The following SLC39A11 variants were observed in gnomAD, a reference collection of about 807,000 sequenced individuals.
The protein encoded by SLC39A11 is zinc transporter ZIP11.
A neutral mutation model predicts 36.1 loss-of-function variants in SLC39A11; 33 were observed. The observed-to-expected ratio is 0.91, with a 90% CI of 0.69 to 1.22. The LOEUF is 1.22. Ranked by LOEUF, SLC39A11 falls within the 50% of genes most tolerant of loss-of-function variation. SLC39A11 has a pLI of 0.00. For missense variants in SLC39A11, 432 were observed against 430.3 expected (o/e 1.00, Z -0.03); for synonymous variants, 166 against 170.3 (o/e 0.97, Z 0.20).
At chr17:72,977,740 C>T (rs906945111) in intron 4 of SLC39A11, among the ~76,000 whole-genome samples, 2 of 152,180 alleles carry the variant, frequency 1.3e-5, no homozygotes, top group Non-Finnish European at 2.9e-5. Context: ...CCCCACACAG[C>T]AACAATGAGT....
intron 7 of SLC39A11, among the ~76,000 whole-genome samples, chr17:72,729,428 TATATATATATATATATATATATA>T (rs2074088666): frequency 3.8e-4 from 2 of 5,282 alleles, no homozygotes; most frequent in East Asian, 4.0e-3. Context: ...TATATATATA[TATATATATATATATATATATATA>T]TATATATTTT....
intron 5 of SLC39A11, among the ~76,000 whole-genome samples, chr17:72,890,964 T>G (rs2081708417): frequency 6.6e-6 from 1 of 152,060 alleles, no homozygotes; most frequent in African/African-American, 2.4e-5. Context: ...GATTTTCCAC[T>G]GGATTTGATG....
At chr17:72,987,988 T>TC (rs1388513857) in intron 4 of SLC39A11, among the ~76,000 whole-genome samples, 3 of 152,200 alleles carry the variant, frequency 2.0e-5, no homozygotes, top group Non-Finnish European at 4.4e-5. Flanking sequence ...AAGTCAGCTC[T>TC]CTTTTTTATT....
chr17:73,004,140 G>GAAGAAAGAAAGA (rs1229461006), intron 4 of SLC39A11, among the ~76,000 whole-genome samples: 1,285 of 105,156 alleles, frequency 0.012, 48 homozygotes, highest in East Asian at 0.026. Flanking sequence ...GGAAAGAAAG[G>GAAGAAAGAAAGA]AAGAAAGAAA....
rs151142811 is a variant in SLC39A11, at chr17:73,047,990, AATATATATATATATAT to A, written c.148-16292_148-16277del. On this transcript the variant is annotated intron_variant, in intron 3 of 9. Transcript: ENST00000255559. The stretch of plus-strand genomic sequence containing the variant: ...TCAAAAAAAAAAAAAAAAAAAAAAA[AATATATATATATATAT>A]ATATATATATATATATATATCATGT... 2.2e-4 allele frequency among the ~76,000 whole-genome samples: 13 copies of A among 58,700 alleles called. 1 individual carries two copies. The highest frequency in any genetic ancestry group is 6.6e-4 in the African/African-American group (10 of 15,238). The allele number at this position is 58,700 out of a possible 152,430, so 38.5% of individuals were successfully genotyped here.
At position 72,909,860 on chromosome 17, in the gene SLC39A11, T is replaced by C. The variant is rs185215470; in HGVS notation, c.430+37892A>G. On this transcript the variant is annotated intron_variant, in intron 5 of 9. Transcript: ENST00000255559. ...TCCCGCGTTCACGCCATTCTCCTGC[T>C]TCAGCCTCCCGAGTAGCTGGGACTC... 4.4e-3 allele frequency among the ~76,000 whole-genome samples: 672 copies of C among 151,858 alleles called. 26 individuals carry two copies. The East Asian group carries it at 0.079, about 18-fold the overall frequency.
chr17:72,683,333 ATTT>A (rs112326860), intron 7 of SLC39A11, among the ~76,000 whole-genome samples: 8 of 134,584 alleles, frequency 5.9e-5, no homozygotes, highest in African/African-American at 1.4e-4. Context: ...CTTGAGACTA[ATTT>A]TTTTTTTTTT....
chr17:72,981,594 C>CAAAAAAAAAAAAAAAAAAAAAAAAAA (rs11444135), intron 4 of SLC39A11, among the ~76,000 whole-genome samples: 1 of 131,264 alleles, frequency 7.6e-6, no homozygotes. Context: ...TATTTAAATG[C>CAAAAAAAAAAAAAAAAAAAAAAAAAA]AAAAAAAAAA....
chr17:72,845,762 A>G (rs1283735094), intron 6 of SLC39A11, among the ~76,000 whole-genome samples: 1 of 152,180 alleles, frequency 6.6e-6, no homozygotes, highest in Non-Finnish European at 1.5e-5. Flanking sequence ...CAAGACTGGG[A>G]AAGAAATGTC....
At chr17:72,770,966 A>G (rs944595069) in intron 6 of SLC39A11, among the ~76,000 whole-genome samples, 5 of 152,102 alleles carry the variant, frequency 3.3e-5, no homozygotes, top group African/African-American at 1.2e-4. Context: ...TTATTCTAGG[A>G]CACACTTTGG....
At chr17:72,887,419 C>T (rs7223107) in intron 5 of SLC39A11, among the ~76,000 whole-genome samples, 75,251 of 152,082 alleles carry the variant, frequency 0.49, 19,848 homozygotes, top group East Asian at 0.72. Flanking sequence ...GCACTTCTCC[C>T]GAGGGCTCTG....
chr17:73,076,339 C>A (rs1452504185), intron 3 of SLC39A11, among the ~76,000 whole-genome samples: 4 of 152,102 alleles, frequency 2.6e-5, no homozygotes, highest in South Asian at 2.1e-4. Flanking sequence ...AAACAACTTG[C>A]GAAATATATT....
At chr17:72,863,526 C>T (rs2080146202) in intron 5 of SLC39A11, among the ~76,000 whole-genome samples, 1 of 152,136 alleles carries the variant, frequency 6.6e-6, no homozygotes, top group South Asian at 2.1e-4. Context: ...ACCCAATATC[C>T]CACCCAGACA....
At chr17:73,058,943 TTAAA>T (rs1459872156) in intron 3 of SLC39A11, among the ~76,000 whole-genome samples, 2 of 151,864 alleles carry the variant, frequency 1.3e-5, no homozygotes, top group African/African-American at 4.9e-5. Flanking sequence ...TAGTGAGCAA[TTAAA>T]TAATAACTGT....
chr17:72,897,152 G>A (rs2082078100), intron 5 of SLC39A11, among the ~76,000 whole-genome samples: 1 of 151,874 alleles, frequency 6.6e-6, no homozygotes, highest in Non-Finnish European at 1.5e-5. Flanking sequence ...AGGAAGCATG[G>A]AAACCAATTT....
At chr17:72,932,292 T>TTTATTATTATTATTATTATTATTATTA (rs544893367) in intron 5 of SLC39A11, among the ~76,000 whole-genome samples, 3,649 of 144,402 alleles carry the variant, frequency 0.025, 144 homozygotes, top group African/African-American at 0.084. Flanking sequence ...GACCTGTTCT[T>TTTATTATTATTATTATTATTATTATTA]TTATTATTAT....
At chr17:72,894,384 A>G (rs2081922510) in intron 5 of SLC39A11, among the ~76,000 whole-genome samples, 1 of 148,826 alleles carries the variant, frequency 6.7e-6, no homozygotes, top group Non-Finnish European at 1.5e-5. Flanking sequence ...AAAAAAAAAA[A>G]AAAGGCCAGG....
At chr17:73,067,760 T>C in intron 3 of SLC39A11, 5 of 927,088 alleles carry the variant, frequency 5.4e-6, no homozygotes, top group Non-Finnish European at 8.6e-6. Flanking sequence ...AGACACGTAC[T>C]GAATAGATCA....
chr17:73,030,335 G>C (rs1251216097), intron 4 of SLC39A11, among the ~76,000 whole-genome samples: 1 of 152,208 alleles, frequency 6.6e-6, no homozygotes, highest in Non-Finnish European at 1.5e-5. Context: ...CCAAAGGACA[G>C]TTCTTCTGTA....
Sources: allele counts gnomAD v4.1 joint callset (sites outside exome capture counted in the v4.1 genomes callset), GRCh38; gene constraint gnomAD v4.1.1; transcripts MANE v1.5; gene names NCBI Gene and HGNC (gene_info 2026-07-23, HGNC 2026-07-21).